The following INPP5A variants were observed in gnomAD, a reference collection of about 807,000 sequenced individuals.
The protein encoded by INPP5A is 43 kDa inositol polyphosphate 5-phophatase.
A neutral mutation model predicts 65.2 loss-of-function variants in INPP5A; 14 were observed. The ratio of observed to expected loss-of-function variants is 0.21; its 90% CI spans 0.14 to 0.34. The LOEUF is 0.34. INPP5A is among the 10% of genes least tolerant of loss of function. INPP5A has a pLI of 1.00. For missense variants in INPP5A, 431 were observed against 545.6 expected, an observed-to-expected ratio of 0.79 and a Z score of 2.09; for synonymous variants, 207 against 208.3, an observed-to-expected ratio of 0.99 and a Z score of 0.05.
chr10:132,574,823 TG>T (rs1564921334), intron 1 of INPP5A, among the ~76,000 whole-genome samples: 1 of 151,536 alleles, frequency 6.6e-6, no homozygotes, highest in African/African-American at 2.4e-5. Flanking sequence ...CTGGAGTAGC[TG>T]GGGGGTGTTT....
At chr10:132,682,200 G>A (rs770902365) in intron 4 of INPP5A, among the ~76,000 whole-genome samples, 3 of 151,506 alleles carry the variant, frequency 2.0e-5, no homozygotes, top group African/African-American at 7.3e-5. Flanking sequence ...GGTGGACAGC[G>A]TCCTGGAGAT....
intron 4 of INPP5A, among the ~76,000 whole-genome samples, chr10:132,655,623 G>A (rs994241492): frequency 7.9e-5 from 12 of 152,268 alleles, no homozygotes; most frequent in African/African-American, 2.9e-4. Flanking sequence ...ATTCATTTTC[G>A]TTTAACGTCA....
rs867410491 is a variant in INPP5A, at chr10:132,719,602, G to T, written c.648-7219G>T. Among the ~76,000 whole-genome samples the T allele has an allele frequency of 1.4e-4, 21 of 147,034 alleles. 1 individual carries two copies. The highest frequency in any genetic ancestry group is 5.3e-4 in the African/African-American group (20 of 37,650). ...GTCTTGCGGGTTCTGTGGTGCCTGG[G>T]TTCTTTCTGGAGGCGCCTTAGACAG... On this transcript the variant is annotated intron_variant, in intron 8 of 15. Coordinates refer to ENST00000368594, the MANE Select transcript of INPP5A (RefSeq NM_005539.5).
intron 2 of INPP5A, among the ~76,000 whole-genome samples, chr10:132,615,263 G>A (rs1034544415): frequency 1.3e-5 from 2 of 152,242 alleles, no homozygotes; most frequent in Non-Finnish European, 2.9e-5. Flanking sequence ...CATCTCAGAA[G>A]CTTCCCATAC....
At chr10:132,755,223 GAGC>G (rs931893140) in intron 11 of INPP5A, among the ~76,000 whole-genome samples, 7 of 152,156 alleles carry the variant, frequency 4.6e-5, no homozygotes, top group African/African-American at 1.7e-4. Flanking sequence ...GTGCATGTGT[GAGC>G]AGGCGTGTAC....
chr10:132,561,599 T>C (rs2071206525), intron 1 of INPP5A, among the ~76,000 whole-genome samples: 2 of 152,168 alleles, frequency 1.3e-5, no homozygotes, highest in Admixed American at 6.5e-5. Flanking sequence ...CATTGTAGCA[T>C]TGAGGTAGGT....
At position 132,549,558 on chromosome 10, in the gene INPP5A, A is replaced by T. The variant is rs2071024153; in HGVS notation, c.75+11387A>T. Among the ~76,000 whole-genome samples, 1 of 152,194 alleles carries T rather than the reference A, an allele frequency of 6.6e-6. No homozygotes were observed. The highest frequency in any genetic ancestry group is 1.5e-5 in the Non-Finnish European group (1 of 68,032). ...GCTGCCCTCTGCCCACCCCTCCAGG[A>T]GGGCCTGTGGGATGCGAGGCCTCTG... On this transcript the variant is annotated intron_variant, in intron 1 of 15. Transcript: ENST00000368594. The surrounding 1 kb of genome is among the most constrained non-coding windows in gnomAD (Gnocchi z 4.9).
intron 2 of INPP5A, among the ~76,000 whole-genome samples, chr10:132,635,809 T>TA (rs796699395): frequency 1.3e-3 from 190 of 143,064 alleles, no homozygotes; most frequent in African/African-American, 3.6e-3. Context: ...CTCGAAGATT[T>TA]AAAAAAAAAA....
intron 1 of INPP5A, among the ~76,000 whole-genome samples, chr10:132,600,423 C>A (rs1564930324): frequency 6.6e-6 from 1 of 152,188 alleles, no homozygotes; most frequent in South Asian, 2.1e-4. Context: ...TATCTGAGAC[C>A]ACCTCAGCCT....
At chr10:132,618,539 A>T (rs1377758599) in intron 2 of INPP5A, among the ~76,000 whole-genome samples, 1 of 152,236 alleles carries the variant, frequency 6.6e-6, no homozygotes, top group African/African-American at 2.4e-5. Flanking sequence ...TTTAAGAATG[A>T]TGTGATAGGC....
chr10:132,646,172 C>T (rs575027208), intron 3 of INPP5A, among the ~76,000 whole-genome samples: 6 of 152,270 alleles, frequency 3.9e-5, no homozygotes, highest in South Asian at 4.1e-4. Flanking sequence ...CAGAAGGCCA[C>T]GGAGTGACAG....
chr10:132,717,015 G>A (rs573179670), intron 8 of INPP5A, among the ~76,000 whole-genome samples: 1 of 152,328 alleles, frequency 6.6e-6, no homozygotes, highest in Admixed American at 6.5e-5. Context: ...CCAGCCCCAA[G>A]GCTGAGGTCC....
At chr10:132,539,318 T>C (rs979639540) in intron 1 of INPP5A, among the ~76,000 whole-genome samples, 2 of 152,122 alleles carry the variant, frequency 1.3e-5, no homozygotes, top group Non-Finnish European at 2.9e-5. Flanking sequence ...TCTCTTTAGT[T>C]CGTAAATAAG....
intron 9 of INPP5A, among the ~76,000 whole-genome samples, chr10:132,737,227 A>AGT (rs1846193381): frequency 6.6e-6 from 1 of 152,228 alleles, no homozygotes; most frequent in Non-Finnish European, 1.5e-5. Flanking sequence ...ACATGGGCAC[A>AGT]GTGTGTGTCC....
intron 12 of INPP5A, among the ~76,000 whole-genome samples, chr10:132,768,032 A>AT (rs57944966): frequency 1.4e-4 from 19 of 134,646 alleles, no homozygotes; most frequent in East Asian, 4.6e-4. Flanking sequence ...AGATCCGTGG[A>AT]CCCTGACCCT....
At chr10:132,632,585 A>T (rs2072290234) in intron 2 of INPP5A, among the ~76,000 whole-genome samples, 1 of 152,222 alleles carries the variant, frequency 6.6e-6, no homozygotes, top group Non-Finnish European at 1.5e-5. Flanking sequence ...CTTCCTGGAA[A>T]GCCCACACTT....
At chr10:132,645,077 C>G (rs1418561354) in intron 2 of INPP5A, among the ~76,000 whole-genome samples, 2 of 152,242 alleles carry the variant, frequency 1.3e-5, no homozygotes, top group Admixed American at 1.3e-4. Context: ...GGAAGCCGCA[C>G]TGACAAGGAT....
intron 8 of INPP5A, among the ~76,000 whole-genome samples, chr10:132,723,423 A>G (rs1361002272): frequency 6.6e-6 from 1 of 151,674 alleles, no homozygotes; most frequent in African/African-American, 2.4e-5. Context: ...GACACCGCAC[A>G]CAGATGCTTG....
chr10:132,639,803 A>G (rs2072403307), intron 2 of INPP5A, among the ~76,000 whole-genome samples: 2 of 152,096 alleles, frequency 1.3e-5, no homozygotes, highest in Admixed American at 1.3e-4. Flanking sequence ...AGTAATTTCT[A>G]CTGACTTATT....
Sources: allele counts gnomAD v4.1 joint callset (sites outside exome capture counted in the v4.1 genomes callset), GRCh38; gene constraint gnomAD v4.1.1; non-coding constraint Gnocchi (gnomAD v3.1); transcripts MANE v1.5; gene names NCBI Gene and HGNC (gene_info 2026-07-23, HGNC 2026-07-21).